Variants in LAMA2 observed in about 807,000 individuals in gnomAD.
The protein encoded by LAMA2 is laminin subunit alpha-2.
In LAMA2, 269 loss-of-function variants were observed where a neutral mutation model predicts 364.8. That is an observed-to-expected ratio of 0.74 (90% CI 0.67 to 0.82). The LOEUF (loss-of-function observed/expected upper bound fraction) is 0.82. Ranked by LOEUF, LAMA2 falls within the 40% of genes least tolerant of loss-of-function variation. The pLI, the probability that LAMA2 is intolerant of heterozygous loss-of-function variation, is 0.00. For missense variants in LAMA2, 3,807 were observed against 3,873.2 expected (o/e 0.98, Z 0.45); for synonymous variants, 1,379 against 1,370.6 (o/e 1.01, Z -0.14).
At chr6:129,056,238 G>A (rs1402165312) in intron 2 of LAMA2, among the ~76,000 whole-genome samples, 1 of 152,128 alleles carries the variant, frequency 6.6e-6, no homozygotes, top group South Asian at 2.1e-4. Flanking sequence ...TTCATTTATG[G>A]TTTTGATTCC....
At chr6:129,116,881 A>G (rs1033362603) in intron 4 of LAMA2, among the ~76,000 whole-genome samples, 13 of 152,168 alleles carry the variant, frequency 8.5e-5, no homozygotes, top group African/African-American at 3.1e-4. Context: ...TGAATTTATT[A>G]CCACTGCATG....
At chr6:128,948,486 A>G (rs1000881576) in intron 1 of LAMA2, among the ~76,000 whole-genome samples, 1 of 152,176 alleles carries the variant, frequency 6.6e-6, no homozygotes, top group Non-Finnish European at 1.5e-5. Flanking sequence ...CAGCCACACA[A>G]AAAACACACA....
intron 1 of LAMA2, among the ~76,000 whole-genome samples, chr6:128,955,113 C>T (rs955785158): frequency 6.6e-6 from 1 of 151,752 alleles, no homozygotes; most frequent in African/African-American, 2.4e-5. Context: ...AAAATTCAAT[C>T]CAACAGTCAT....
intron 55 of LAMA2, among the ~76,000 whole-genome samples, chr6:129,482,253 T>C (rs1784383473): frequency 6.6e-6 from 1 of 152,150 alleles, no homozygotes; most frequent in African/African-American, 2.4e-5. Context: ...GATGACAGAG[T>C]GAGACTCTGT....
intron 4 of LAMA2, among the ~76,000 whole-genome samples, chr6:129,130,696 G>A (rs896286750): frequency 6.6e-6 from 1 of 152,060 alleles, no homozygotes; most frequent in Non-Finnish European, 1.5e-5. Flanking sequence ...CTTTTTTTAA[G>A]GAACCAAGTT....
intron 51 of LAMA2, among the ~76,000 whole-genome samples, chr6:129,467,913 A>C (rs1783627758): frequency 6.6e-6 from 1 of 151,852 alleles, no homozygotes; most frequent in African/African-American, 2.4e-5. Context: ...AGAGCTACTA[A>C]CTGTTACTGT....
At position 129,473,149 on chromosome 6, in the gene LAMA2, A is replaced by T. The variant is rs1361253168; in HGVS notation, c.7301-65A>T. 9.4e-6 allele frequency: 12 copies of T among 1,280,446 alleles called. No homozygotes were observed. The African/African-American group carries it at 1.8e-4, about 19-fold the overall frequency. The allele number at this position is 1,280,446 out of a possible 1,614,324, so 79.3% of individuals were successfully genotyped here. A position where few individuals can be genotyped will look rare whatever the true frequency, so the allele number is the denominator to read the frequency against. ...TAAACCAAATTTGTCTTGAAGTATT[A>T]ATGATGATATAGATGTGGTTGATAT... On this transcript the variant is annotated intron_variant, in intron 51 of 64. Coordinates refer to ENST00000421865, the MANE Select transcript of LAMA2 (RefSeq NM_000426.4).
chr6:129,241,017 C>T (rs537562622), intron 12 of LAMA2, among the ~76,000 whole-genome samples: 1 of 152,182 alleles, frequency 6.6e-6, no homozygotes, highest in South Asian at 2.1e-4. Flanking sequence ...GCTCAAATCA[C>T]AGAAAAGCTC....
intron 1 of LAMA2, among the ~76,000 whole-genome samples, chr6:129,022,774 C>T (rs1785524711): frequency 6.6e-6 from 1 of 152,160 alleles, no homozygotes; most frequent in Non-Finnish European, 1.5e-5. Context: ...AAGAGGACTT[C>T]TTTGCAGGAG....
At chr6:129,177,924 C>T (rs879169212) in intron 10 of LAMA2, 58 bp downstream of exon 10, 1 of 1,543,922 alleles carries the variant, frequency 6.5e-7, no homozygotes, top group South Asian at 1.1e-5. Flanking sequence ...TTTTTCTTGG[C>T]TTCTCTGTTG....
chr6:129,297,420 C>A (rs993199160), intron 20 of LAMA2, among the ~76,000 whole-genome samples: 9 of 152,232 alleles, frequency 5.9e-5, no homozygotes, highest in East Asian at 3.9e-4. Flanking sequence ...CTGGGACAGG[C>A]TGGTGAAAAT....
rs1357792012 is a variant in LAMA2 at position 129,512,349 on chromosome 6, T to A, written c.8858-14T>A. ...TCCTCTAATCCAAAATATTTTAAAA[T>A]CTTCATTTTACAGTTGGTGGATTCA... On this transcript the variant is annotated splice_polypyrimidine_tract_variant and intron_variant, in intron 62 of 64. Coordinates refer to ENST00000421865, the MANE Select transcript of LAMA2 (RefSeq NM_000426.4). The A allele has an allele frequency of 2.5e-6, 4 of 1,612,660 alleles. No homozygotes were observed. Among genetic ancestry groups the A allele is most frequent in the African/African-American group, 1.3e-5 (1 of 74,894 alleles).
intron 1 of LAMA2, among the ~76,000 whole-genome samples, chr6:128,897,619 G>T (rs531731597): frequency 1.3e-5 from 2 of 152,200 alleles, no homozygotes; most frequent in Admixed American, 6.5e-5. Context: ...CCCCAAAACC[G>T]CAGTTGGAAC....
chr6:128,968,924 C>T (rs191724737), intron 1 of LAMA2, among the ~76,000 whole-genome samples: 2 of 152,282 alleles, frequency 1.3e-5, no homozygotes, highest in African/African-American at 4.8e-5. Context: ...TTTCTTAATA[C>T]TGTGTCACTC....
At chr6:129,133,643 G>A (rs182416417) in intron 4 of LAMA2, among the ~76,000 whole-genome samples, 2 of 152,250 alleles carry the variant, frequency 1.3e-5, no homozygotes, top group East Asian at 1.9e-4. Context: ...GTCTTGAAGA[G>A]CTTGTGTCTC....
intron 12 of LAMA2, among the ~76,000 whole-genome samples, chr6:129,241,290 AAAAT>A (rs1209565444): frequency 6.6e-6 from 1 of 152,208 alleles, no homozygotes; most frequent in Non-Finnish European, 1.5e-5. Context: ...AGACGTGAAT[AAAAT>A]CTGAATTGGG....
chr6:129,428,440 GA>G (rs1033879901), intron 41 of LAMA2, among the ~76,000 whole-genome samples: 4 of 152,126 alleles, frequency 2.6e-5, no homozygotes, highest in African/African-American at 4.8e-5. Flanking sequence ...TCTCTAAAAA[GA>G]AAAACAAAAT....
intron 1 of LAMA2, among the ~76,000 whole-genome samples, chr6:128,924,069 A>G (rs73773561): frequency 0.01 from 1,533 of 152,168 alleles, 30 homozygotes; most frequent in African/African-American, 0.035. Flanking sequence ...GAGAGCTACT[A>G]TCTCTGCTTA....
intron 3 of LAMA2, among the ~76,000 whole-genome samples, chr6:129,064,570 G>T (rs994254654): frequency 2.0e-5 from 3 of 151,874 alleles, no homozygotes; most frequent in African/African-American, 7.3e-5. Flanking sequence ...TAAGAAAAAA[G>T]ATCAGAATTG....
Sources: gnomAD v4.1 joint callset for allele counts (sites outside exome capture counted in the v4.1 genomes callset) on GRCh38, gnomAD v4.1.1 for gene constraint, MANE v1.5 for transcripts, NCBI Gene and HGNC (gene_info 2026-07-23, HGNC 2026-07-21) for gene names.